The following MARCHF8 variants were observed in gnomAD, a reference collection of about 807,000 sequenced individuals.
MARCHF8 encodes E3 ubiquitin-protein ligase MARCHF8.
A neutral mutation model predicts 51.6 loss-of-function variants in MARCHF8; 40 were observed. That is an observed-to-expected ratio of 0.77 (90% confidence interval 0.60 to 1.01). The LOEUF (loss-of-function observed/expected upper bound fraction) is 1.01, where lower values mean the gene tolerates loss of function less well. Ranked by LOEUF, MARCHF8 falls within the 50% of genes least tolerant of loss-of-function variation. The probability of loss-of-function intolerance (pLI) is 0.00; values close to 1 mark genes in which losing one functional copy is unlikely to be tolerated. For missense variants in MARCHF8, 685 were observed against 708.6 expected (o/e 0.97, Z 0.38); for synonymous variants, 263 against 280.3 (o/e 0.94, Z 0.62).
At chr10:45,522,819 C>T (rs1200888683) in intron 2 of MARCHF8, among the ~76,000 whole-genome samples, 1 of 152,150 alleles carries the variant, frequency 6.6e-6, no homozygotes, top group Non-Finnish European at 1.5e-5. Flanking sequence ...AAAGGGATGA[C>T]AGTTCATTCC....
In MARCHF8 at chr10:45,518,951, G is replaced by A. The variant is rs184649332; in HGVS notation, c.102+14159C>T. On this transcript the variant is annotated intron_variant, in intron 2 of 7. Coordinates refer to ENST00000453424, the MANE Select transcript of MARCHF8 (RefSeq NM_001282866.2). ...TGTGAGAGGACCTAGTAACACCTTC[G>A]TAACACTTCCTTTGTCAGTGTTACA... is the stretch of plus-strand genomic sequence containing the variant. Among the ~76,000 whole-genome samples the A allele has an allele frequency of 1.6e-4, 25 of 152,180 alleles. 1 individual carries two copies. In the South Asian group the frequency reaches 5.2e-3, roughly 32 times the overall value.
chr10:45,508,802 G>C (rs1205858079), intron 2 of MARCHF8, among the ~76,000 whole-genome samples: 1 of 152,002 alleles, frequency 6.6e-6, no homozygotes, highest in East Asian at 1.9e-4. Context: ...TTTAACTATA[G>C]AGTTCATTAT....
chr10:45,491,259 T>C (rs1015592461), intron 2 of MARCHF8, among the ~76,000 whole-genome samples: 1 of 152,154 alleles, frequency 6.6e-6, no homozygotes, highest in Non-Finnish European at 1.5e-5. Context: ...GGGAGAATGT[T>C]ACCAAAGAAT....
At chr10:45,472,587 C>G (rs891519489) in intron 3 of MARCHF8, among the ~76,000 whole-genome samples, 2 of 152,206 alleles carry the variant, frequency 1.3e-5, no homozygotes, top group Non-Finnish European at 2.9e-5. Flanking sequence ...AAGATGCTAT[C>G]CTGCATGTTG....
In MARCHF8 at chr10:45,515,076, G is replaced by A. The variant is rs187483949; in HGVS notation, c.102+18034C>T. ...CCTGGTTTCAGGCTATAAATAAATC[G>A]TCCATCTCATTGGTATTCTTCTAGG... On this transcript the variant is annotated intron_variant, in intron 2 of 7. Transcript: ENST00000453424. Among the ~76,000 whole-genome samples, 115 of 152,222 alleles carry A rather than the reference G, an allele frequency of 7.6e-4. 1 individual carries two copies. Among genetic ancestry groups the A allele is most frequent in the African/African-American group, 2.5e-3 (102 of 41,524 alleles).
At chr10:45,526,547 G>A (rs1405213043) in intron 2 of MARCHF8, among the ~76,000 whole-genome samples, 1 of 152,224 alleles carries the variant, frequency 6.6e-6, no homozygotes, top group East Asian at 1.9e-4. Context: ...AGGCTGAAGA[G>A]AGGAGGCCAG....
intron 2 of MARCHF8, among the ~76,000 whole-genome samples, chr10:45,530,175 G>C (rs2043854278): frequency 6.6e-6 from 1 of 152,160 alleles, no homozygotes; most frequent in Non-Finnish European, 1.5e-5. Context: ...AAATAACTCA[G>C]AAAGAGCAAG....
chr10:45,586,441 C>T (rs1027601266), intron 1 of MARCHF8, among the ~76,000 whole-genome samples: 3 of 152,044 alleles, frequency 2.0e-5, no homozygotes, highest in Non-Finnish European at 4.4e-5. Flanking sequence ...ATACTCTTTC[C>T]GGTGTTAAGC....
At chr10:45,523,990 T>C (rs1015458490) in intron 2 of MARCHF8, among the ~76,000 whole-genome samples, 1 of 152,216 alleles carries the variant, frequency 6.6e-6, no homozygotes, top group Non-Finnish European at 1.5e-5. Flanking sequence ...GCTGCTAATA[T>C]ATAAAATAGC....
chr10:45,516,374 C>A (rs1020177389), intron 2 of MARCHF8, among the ~76,000 whole-genome samples: 1 of 152,134 alleles, frequency 6.6e-6, no homozygotes, highest in Non-Finnish European at 1.5e-5. Flanking sequence ...TGGTCTCAAA[C>A]TCCTGGCCTC....
chr10:45,587,685 A>T (rs923092440), intron 1 of MARCHF8, among the ~76,000 whole-genome samples: 2 of 152,168 alleles, frequency 1.3e-5, no homozygotes, highest in African/African-American at 4.8e-5. Context: ...TTCAAACCTC[A>T]TATAAAGTTA....
chr10:45,471,704 C>A (rs938765883), intron 3 of MARCHF8, among the ~76,000 whole-genome samples: 9 of 152,218 alleles, frequency 5.9e-5, no homozygotes, highest in African/African-American at 2.2e-4. Context: ...GGGGCCAGTC[C>A]ACTGAGCACA....
chr10:45,512,344 G>C (rs560758052), intron 2 of MARCHF8, among the ~76,000 whole-genome samples: 1 of 151,370 alleles, frequency 6.6e-6, no homozygotes, highest in Non-Finnish European at 1.5e-5. Context: ...CGTCCGGGAG[G>C]GAGGTGGGGG....
intron 1 of MARCHF8, among the ~76,000 whole-genome samples, chr10:45,543,189 C>T (rs771082162): frequency 8.5e-5 from 13 of 152,182 alleles, no homozygotes; most frequent in Non-Finnish European, 1.5e-4. Context: ...AATGACATAA[C>T]ACCGTCCTAG....
At chr10:45,540,598 C>T (rs1184891885) in intron 1 of MARCHF8, among the ~76,000 whole-genome samples, 1 of 152,158 alleles carries the variant, frequency 6.6e-6, no homozygotes, top group Middle Eastern at 3.2e-3. Context: ...AGCTTCTGCA[C>T]AGCAAAAGAA....
intron 1 of MARCHF8, among the ~76,000 whole-genome samples, chr10:45,570,827 A>C (rs777373862): frequency 7.2e-5 from 11 of 152,338 alleles, no homozygotes; most frequent in Non-Finnish European, 1.2e-4. Flanking sequence ...ATGAAATTTT[A>C]AAAACGTTTC....
chr10:45,480,563 T>C (rs1319476229), intron 3 of MARCHF8, among the ~76,000 whole-genome samples: 1 of 152,166 alleles, frequency 6.6e-6, no homozygotes, highest in Non-Finnish European at 1.5e-5. Flanking sequence ...TCCCAGCCAC[T>C]CTAACCAAAG....
chr10:45,476,307 T>C (rs2042786058), intron 3 of MARCHF8, among the ~76,000 whole-genome samples: 1 of 152,266 alleles, frequency 6.6e-6, no homozygotes, highest in South Asian at 2.1e-4. Flanking sequence ...CTCTCACCTG[T>C]AATCCCAGTA....
Position 45,576,072 on chromosome 10 carries a change from A to AG in MARCHF8, c.-79+18162dup, listed in dbSNP as rs142531217. The stretch of plus-strand genomic sequence containing the variant: ...AAAGCCTGTTCCGTGGTCTCTTCAC[A>AG]GGGACATGAGTGAAATTTAAACTAT... On this transcript the variant is annotated intron_variant, in intron 1 of 6. Transcript: ENST00000319836. 6.7e-3 allele frequency among the ~76,000 whole-genome samples: 1,026 copies of AG among 152,322 alleles called. 9 individuals carry two copies. Among genetic ancestry groups the AG allele is most frequent in the African/African-American group, 0.024 (977 of 41,558 alleles).
Sources: gnomAD v4.1 joint callset for allele counts (sites outside exome capture counted in the v4.1 genomes callset) on GRCh38, gnomAD v4.1.1 for gene constraint, MANE v1.5 for transcripts, NCBI Gene and HGNC (gene_info 2026-07-23, HGNC 2026-07-21) for gene names.